The following GATA2 variants were observed in gnomAD, a reference collection of about 807,000 sequenced individuals.
GATA2 encodes the protein endothelial transcription factor GATA-2.
GATA2 carries 6 observed loss-of-function variants against 35.7 expected under a neutral mutation model. The ratio of observed to expected loss-of-function variants is 0.17; its 90% CI spans 0.09 to 0.33. GATA2 has a LOEUF of 0.33. Among genes scored for constraint, GATA2 ranks in the 10% least tolerant of loss-of-function variants. GATA2 has a pLI of 1.00. For synonymous variants in GATA2, 313 were observed against 274.9 expected (o/e 1.14, Z -1.37); for missense variants, 541 against 656.6 (o/e 0.82, Z 1.92).
In GATA2 at chr3:128,481,160, A is replaced by C. The variant is rs971128233; in HGVS notation, c.1302T>G (p.Ala434=). The stretch of plus-strand genomic sequence containing the variant: ...GGTGGCCCACAGGTGCCATGTGTCC[A>C]GCCAGGGCAGCTGCACTGAAGGGGG... The part of the protein sequence containing the change: ...KSSPFSAAAL[A]GHMAPVGHLP... Residue 434 remains alanine (A), a synonymous_variant, in exon 6 of 6, where the codon GCT becomes GCG. Transcript: ENST00000341105. 6.2e-6 allele frequency: 10 copies of C among 1,614,108 alleles called. No individual in the cohort carries two copies. The African/African-American group carries it at 1.3e-4, about 22-fold the overall frequency.
chr3:128,481,935 T>G lies in GATA2; in HGVS notation c.1027A>C (p.Arg343=), dbSNP rs1313081073. 6.2e-7 allele frequency: 1 copy of G among 1,613,404 alleles called. No individual in the cohort carries two copies. Among genetic ancestry groups the G allele is most frequent in the African/African-American group, 1.3e-5 (1 of 74,890 alleles). Residue 343 remains arginine (R), a synonymous_variant, in exon 5 of 6, where the codon AGA becomes CGA. Coordinates refer to ENST00000341105, the MANE Select transcript of GATA2 (RefSeq NM_032638.5). The stretch of plus-strand genomic sequence containing the variant: ...TTTGCACAACAGGTGCCGGCTCTTC[T>G]GGCGGCCGACTGGGAGGGCAAGGCA... ...IKPKRRLSAA[R]RAGTCCANCQ...
At chr3:128,485,024 TA>T (rs2068676562) in intron 3 of GATA2, among the ~76,000 whole-genome samples, 1 of 152,222 alleles carries the variant, frequency 6.6e-6, no homozygotes, top group Admixed American at 6.5e-5. Flanking sequence ...TTTCTGGGTT[TA>T]TGCTCTGTGG....
chr3:128,483,688 A>T (rs2068658685), intron 4 of GATA2, among the ~76,000 whole-genome samples, 172 bp downstream of exon 4: 1 of 152,218 alleles, frequency 6.6e-6, no homozygotes, highest in South Asian at 2.1e-4. Context: ...ATCTGGCCCG[A>T]AAGAATCTGG....
intron 5 of GATA2, 89 bp from the exon 6 acceptor site, chr3:128,481,407 C>T: frequency 7.0e-7 from 1 of 1,436,736 alleles, no homozygotes; most frequent in Non-Finnish European, 9.7e-7. Context: ...AGAGGCAGGT[C>T]AAGCTGAGGG....
rs781384657 is a variant in GATA2 at position 128,485,703 on chromosome 3, G to T, written c.871+24C>A. On this transcript the variant is annotated intron_variant, in intron 3 of 5. Transcript: ENST00000341105. ...AAACGCAAATGCTCCCCTCTTCCACGAAGTCCCCAGCACCTGCCTTTACCT... is the reference window on the plus strand; with the variant it reads ...AAACGCAAATGCTCCCCTCTTCCACTAAGTCCCCAGCACCTGCCTTTACCT... 7.4e-6 allele frequency: 12 copies of T among 1,611,604 alleles called. No individual in the cohort carries two copies. The South Asian group carries it at 1.1e-4, about 15-fold the overall frequency.
chr3:128,488,963 G>T lies in GATA2; in HGVS notation c.-45-1887C>A, dbSNP rs1409411178. The stretch of plus-strand genomic sequence containing the variant: ...GACCTAGACAGGTGCCGAGTACTGG[G>T]GGGACTCAACAGCGTCCTCCAGCCC... On this transcript the variant is annotated intron_variant, in intron 1 of 5. Transcript: ENST00000341105. The surrounding 1 kb of genome is among the most constrained non-coding windows in gnomAD (Gnocchi z 5.8). Among the ~76,000 whole-genome samples the T allele has an allele frequency of 6.6e-6, 1 of 152,052 alleles. No homozygotes were observed. The highest frequency in any genetic ancestry group is 1.5e-5 in the Non-Finnish European group (1 of 67,998).
chr3:128,480,355 T>C lies in GATA2; in HGVS notation c.*664A>G, dbSNP rs1368693048. On this transcript the variant is annotated 3_prime_UTR_variant, in exon 6 of 6. Transcript: ENST00000341105. ...AGACGTTTCCCCTTTCAAGAAAATG[T>C]TGTTTCCTTCCTGTGACCCAGCCCT... 8.6e-6 allele frequency: 2 copies of C among 233,346 alleles called. No homozygotes were observed. Among genetic ancestry groups the C allele is most frequent in the African/African-American group, 4.4e-5 (2 of 45,350 alleles). 14.5% of individuals were successfully genotyped at this position (233,346 alleles called of 1,614,324 possible). A position where few individuals can be genotyped will look rare whatever the true frequency, so the allele number is the denominator to read the frequency against.
Position 128,479,972 on chromosome 3 carries a change from C to T in GATA2, c.*1047G>A, listed in dbSNP as rs2068603444. 1 of 232,816 alleles carries T rather than the reference C, an allele frequency of 4.3e-6. No homozygotes were observed. Among genetic ancestry groups the T allele is most frequent in the Non-Finnish European group, 8.5e-6 (1 of 117,840 alleles). The allele number at this position is 232,816 out of a possible 1,614,324, so 14.4% of individuals were successfully genotyped here. On this transcript the variant is annotated 3_prime_UTR_variant, in exon 6 of 6. Transcript: ENST00000341105. ...ACCAAGGGCAGCAAAGGCCCCTCCC[C>T]ACCCCCAGCTTTCATACTAGGGCTG...
rs1475864348 is a variant in GATA2, at chr3:128,483,376, A to T, written c.1017+484T>A. ...AGGAGATCCGAAAGGGCATTTTTTT[A>T]AAATCACTCAAATGAAAATACACAG... is the stretch of plus-strand genomic sequence containing the variant. On this transcript the variant is annotated intron_variant, in intron 4 of 5. Coordinates refer to ENST00000341105, the MANE Select transcript of GATA2 (RefSeq NM_032638.5). Among the ~76,000 whole-genome samples the T allele has an allele frequency of 7.9e-5, 12 of 152,186 alleles. No individual in the cohort carries two copies. Among genetic ancestry groups the T allele is most frequent in the Admixed American group, 5.2e-4 (8 of 15,282 alleles).
chr3:128,486,968 G>T lies in GATA2; in HGVS notation c.64C>A (p.Pro22Thr), dbSNP rs1172590651. 6.2e-7 allele frequency: 1 copy of T among 1,611,430 alleles called. No homozygotes were observed. The highest frequency in any genetic ancestry group is 8.5e-7 in the Non-Finnish European group (1 of 1,178,882). ...GCCAGGCCCGGGTGGTGTGAGTCGG[G>T]GTGCTGCGCATTCAGCACGGCCGGG... ...AHPAVLNAQH[P>T]DSHHPGLAHN... Residue 22 changes from proline (P) to threonine (T), a missense_variant, in exon 2 of 6, where the codon CCC (proline) becomes ACC (threonine). This residue lies in a region of GATA2 where 389 missense variants were observed against 396.9 expected (regional missense o/e 0.98). Transcript: ENST00000341105.
In GATA2 at chr3:128,484,020, G is replaced by GGAGAGACA. The variant is rs1298450179; in HGVS notation, c.872-23_872-16dup. 11 of 1,611,018 alleles carry GGAGAGACA rather than the reference G, an allele frequency of 6.8e-6. No individual in the cohort carries two copies. The highest frequency in any genetic ancestry group is 9.3e-6 in the Non-Finnish European group (11 of 1,179,132). ...CTCCCGGCCTTCTGCAGGGGAACAG[G>GGAGAGACA]GAGAGACACGGGGGCCTGCTTAACC... On this transcript the variant is annotated splice_polypyrimidine_tract_variant and intron_variant, in intron 3 of 5. Transcript: ENST00000341105.
intron 2 of GATA2, 32 bp from the exon 3 acceptor site, chr3:128,486,400 G>C (rs765985342): frequency 1.3e-6 from 2 of 1,586,762 alleles, no homozygotes; most frequent in Non-Finnish European, 1.7e-6. Context: ...ATCAGGGTGG[G>C]CAGAAAGATC....
rs1223961829 is a variant in GATA2 at position 128,488,851 on chromosome 3, T to C, written c.-45-1775A>G. The stretch of plus-strand genomic sequence containing the variant: ...TGTGGGCCGGGCGCACAAGTCTTCC[T>C]CCCTCCCATTGTACAGACTGGGGAG... On this transcript the variant is annotated intron_variant, in intron 1 of 5. Coordinates refer to ENST00000341105, the MANE Select transcript of GATA2 (RefSeq NM_032638.5). The surrounding 1 kb of genome is among the most constrained non-coding windows in gnomAD (Gnocchi z 5.8). Among the ~76,000 whole-genome samples, 1 of 151,794 alleles carries C rather than the reference T, an allele frequency of 6.6e-6. No individual in the cohort carries two copies. Among genetic ancestry groups the C allele is most frequent in the Non-Finnish European group, 1.5e-5 (1 of 67,918 alleles).
rs1448048429 is a variant in GATA2 at position 128,479,951 on chromosome 3, A to C, written c.*1068T>G. 4.3e-6 allele frequency: 1 copy of C among 232,118 alleles called. No homozygotes were observed. The highest frequency in any genetic ancestry group is 1.8e-4 in the South Asian group (1 of 5,502). 14.4% of individuals were successfully genotyped at this position (232,118 alleles called of 1,614,324 possible). A position where few individuals can be genotyped will look rare whatever the true frequency, so the allele number is the denominator to read the frequency against. On this transcript the variant is annotated 3_prime_UTR_variant, in exon 6 of 6. Transcript: ENST00000341105. ...AATGCCAACCAGCCCCCAGAAACCA[A>C]GGGCAGCAAAGGCCCCTCCCCACCC...
Position 128,486,858 on chromosome 3 carries a change from G to A in GATA2, c.174C>T (p.Pro58=). The change falls in exon 2 of 6, where the codon CCC becomes CCT. Residue 58 remains proline (P), a synonymous_variant. Coordinates refer to ENST00000341105, the MANE Select transcript of GATA2 (RefSeq NM_032638.5). ...GCGCGTGAGCGGGGTTGGCATAGTAGGGGTTGCCCTGCGAGTCGAGGTGAT... is the reference window on the plus strand; with the variant it reads ...GCGCGTGAGCGGGGTTGGCATAGTAAGGGTTGCCCTGCGAGTCGAGGTGAT... The part of the protein sequence containing the change: ...FFNHLDSQGN[P]YYANPAHARA... 6.2e-7 allele frequency: 1 copy of A among 1,612,448 alleles called. No individual in the cohort carries two copies. The highest frequency in any genetic ancestry group is 8.5e-7 in the Non-Finnish European group (1 of 1,179,544).
chr3:128,487,189 G>T, intron 1 of GATA2, 113 bp from the exon 2 acceptor site: 1 of 629,590 alleles, frequency 1.6e-6, no homozygotes. Flanking sequence ...GCGAGAAAGA[G>T]CACCAGTCCC....
Position 128,486,207 on chromosome 3 carries a change from C to T in GATA2, c.391G>A (p.Ala131Thr). The T allele has an allele frequency of 1.3e-6, 2 of 1,560,814 alleles. No individual in the cohort carries two copies. Among genetic ancestry groups the T allele is most frequent in the Non-Finnish European group, 1.7e-6 (2 of 1,152,636 alleles). ...GAGAGTGGGCCTCCAGGGCCTCCAG[C>T]AGCTGAGGGGTGCAGTGGCGTCTTG... ...FSKTPLHPSA[A>T]GGPGGPLSVY... Residue 131 changes from alanine to threonine, a missense_variant, in exon 3 of 6, where the codon GCT becomes ACT. This residue lies in a region of GATA2 where 389 missense variants were observed against 396.9 expected (regional missense o/e 0.98). Transcript: ENST00000341105.
chr3:128,486,880 T>C lies in GATA2; in HGVS notation c.152A>G (p.His51Arg). Residue 51 changes from histidine to arginine, a missense_variant, in exon 2 of 6, where the codon CAC (histidine) becomes CGC (arginine). Physicochemically the swap from His to Arg is conservative, Grantham distance 29. Transcript: ENST00000341105. ...PPDEVDVFFN[H>R]LDSQGNPYYA... Reference sequence around the variant, plus strand: ...GTAGGGGTTGCCCTGCGAGTCGAGGTGATTGAAGAAGACGTCCACCTCGTC... The same window carrying C: ...GTAGGGGTTGCCCTGCGAGTCGAGGCGATTGAAGAAGACGTCCACCTCGTC... The C allele has an allele frequency of 6.2e-7, 1 of 1,612,442 alleles. No individual in the cohort carries two copies. Among genetic ancestry groups the C allele is most frequent in the South Asian group, 1.1e-5 (1 of 90,580 alleles).
At position 128,485,628 on chromosome 3, in the gene GATA2, C is replaced by A. The variant is rs965164135; in HGVS notation, c.871+99G>T. 9 of 1,430,242 alleles carry A rather than the reference C, an allele frequency of 6.3e-6. No individual in the cohort carries two copies. In the African/African-American group the frequency reaches 1.3e-4, roughly 20 times the overall value. 88.6% of individuals were successfully genotyped at this position (1,430,242 alleles called of 1,614,324 possible). A position where few individuals can be genotyped will look rare whatever the true frequency, so the allele number is the denominator to read the frequency against. Reference sequence around the variant, plus strand: ...AGCGAGACATCACCCATCCCCAGATCTGGGAAACCAACACTGCCACCTCTC... The same window carrying A: ...AGCGAGACATCACCCATCCCCAGATATGGGAAACCAACACTGCCACCTCTC... On this transcript the variant is annotated intron_variant, in intron 3 of 5. Coordinates refer to ENST00000341105, the MANE Select transcript of GATA2 (RefSeq NM_032638.5).
Sources: gnomAD v4.1 joint callset for allele counts (sites outside exome capture counted in the v4.1 genomes callset) on GRCh38, gnomAD v4.1.1 for gene constraint, gnomAD v4.1.1 regional missense constraint, Gnocchi (gnomAD v3.1) non-coding constraint, MANE v1.5 for transcripts, NCBI Gene and HGNC (gene_info 2026-07-23, HGNC 2026-07-21) for gene names.